The following LRRC8A variants were observed in gnomAD, a reference collection of about 807,000 sequenced individuals.
The protein encoded by LRRC8A is volume-regulated anion channel subunit LRRC8A.
LRRC8A carries 24 observed loss-of-function variants against 52.5 expected under a neutral mutation model. That is an observed-to-expected ratio of 0.46 (90% CI 0.33 to 0.64). The LOEUF is 0.64. LRRC8A is among the 30% of genes least tolerant of loss of function. The probability of loss-of-function intolerance (pLI) is 0.02; values close to 1 mark genes in which losing one functional copy is unlikely to be tolerated. For missense variants in LRRC8A, 677 were observed against 1,094.7 expected (o/e 0.62, Z 5.38); for synonymous variants, 492 against 494.2 (o/e 1.00, Z 0.06).
rs1280423057 is a variant in LRRC8A, at chr9:128,917,834, C to T, written c.*1463C>T. On this transcript the variant is annotated 3_prime_UTR_variant, in exon 4 of 4. Coordinates refer to ENST00000372600, the MANE Select transcript of LRRC8A (RefSeq NM_019594.4). The stretch of plus-strand genomic sequence containing the variant: ...CCCCGCCTTAGATCAATCACGTGGA[C>T]ACTAAGGCACGTTTTAGAGTCTCTT... 6.5e-6 allele frequency: 1 copy of T among 152,716 alleles called. No homozygotes were observed. Among genetic ancestry groups the T allele is most frequent in the Non-Finnish European group, 1.5e-5 (1 of 68,056 alleles). The allele number at this position is 152,716 out of a possible 1,614,324, so 9.5% of individuals were successfully genotyped here.
chr9:128,908,730 C>T lies in LRRC8A; in HGVS notation c.1566C>T (p.His522=). 6.2e-7 allele frequency: 1 copy of T among 1,613,194 alleles called. No individual in the cohort carries two copies. Among genetic ancestry groups the T allele is most frequent in the Non-Finnish European group, 8.5e-7 (1 of 1,180,042 alleles). The change falls in exon 3 of 4, where the codon CAC becomes CAT. Residue 522 remains histidine, a synonymous_variant. Transcript: ENST00000372600. ...GCCTGAAGACACTGGAGGAGCTGCACCTGACGGGCAACCTGAGCGCGGAGA... is the reference window on the plus strand; with the variant it reads ...GCCTGAAGACACTGGAGGAGCTGCATCTGACGGGCAACCTGAGCGCGGAGA... ...IYSLKTLEEL[H]LTGNLSAENN...
At chr9:128,912,714 T>C (rs2131050173) in intron 3 of LRRC8A, 1 of 152,148 alleles carries the variant, frequency 6.6e-6, no homozygotes, top group East Asian at 1.9e-4. Context: ...CTTGCGGTAG[T>C]GTGTGGGGTG....
At chr9:128,888,765 C>T (rs1839493229) in intron 2 of LRRC8A, among the ~76,000 whole-genome samples, 1 of 152,020 alleles carries the variant, frequency 6.6e-6, no homozygotes, top group African/African-American at 2.4e-5. Context: ...TTTTCAGGCT[C>T]ACTGTCCTGT....
intron 1 of LRRC8A, chr9:128,882,457 C>T: frequency 2.8e-6 from 1 of 361,508 alleles, no homozygotes; most frequent in Non-Finnish European, 4.9e-6. Context: ...TTCTCGCCGG[C>T]TCCGCGGCGC....
At chr9:128,897,484 A>C (rs1208274551) in intron 2 of LRRC8A, among the ~76,000 whole-genome samples, 1 of 152,132 alleles carries the variant, frequency 6.6e-6, no homozygotes, top group African/African-American at 2.4e-5. Flanking sequence ...CTGGGATTAC[A>C]GACGTGAGCC....
At chr9:128,891,585 C>G (rs551291192) in intron 2 of LRRC8A, among the ~76,000 whole-genome samples, 3 of 152,312 alleles carry the variant, frequency 2.0e-5, no homozygotes, top group South Asian at 4.1e-4. Context: ...GGCCTGCCTT[C>G]TAGGCCCTTC....
At chr9:128,903,412 C>A (rs921731100) in intron 2 of LRRC8A, among the ~76,000 whole-genome samples, 2 of 132,464 alleles carry the variant, frequency 1.5e-5, no homozygotes, top group Non-Finnish European at 3.3e-5. Context: ...AGGTGCTGTT[C>A]TTTTTTTTTT....
chr9:128,913,462 G>T (rs949144412), intron 3 of LRRC8A, among the ~76,000 whole-genome samples: 1 of 152,198 alleles, frequency 6.6e-6, no homozygotes, highest in Admixed American at 6.5e-5. Flanking sequence ...GGCACGGGCC[G>T]GCGACAATCC....
intron 2 of LRRC8A, among the ~76,000 whole-genome samples, chr9:128,905,736 C>A (rs1002360909): frequency 6.6e-6 from 1 of 151,826 alleles, no homozygotes; most frequent in Admixed American, 6.6e-5. Flanking sequence ...CCCAGCTACT[C>A]GGGAGGCTGA....
intron 3 of LRRC8A, among the ~76,000 whole-genome samples, chr9:128,914,279 A>G (rs558850376): frequency 2.0e-5 from 3 of 148,600 alleles, no homozygotes; most frequent in South Asian, 4.3e-4. Flanking sequence ...TGGGAAAGCC[A>G]CGTTGCTCCC....
rs1244837297 is a variant in LRRC8A at position 128,907,905 on chromosome 9, G to A, written c.741G>A (p.Val247=). 5 of 1,614,100 alleles carry A rather than the reference G, an allele frequency of 3.1e-6. No individual in the cohort carries two copies. The highest frequency in any genetic ancestry group is 4.2e-6 in the Non-Finnish European group (5 of 1,180,024). ...AAGCCAAGGCGCTGTTTGAGAAGGT[G>A]AAGAAGTTCCGGACCCATGTGGAGG... ...GEQAKALFEK[V]KKFRTHVEEG... Residue 247 remains valine (V), a synonymous_variant, in exon 3 of 4, where the codon GTG becomes GTA. Transcript: ENST00000372600. This position sits in a 1 kb window ranked among gnomAD's most constrained non-coding sequence, Gnocchi z 9.3.
rs911898161 is a variant in LRRC8A at position 128,911,869 on chromosome 9, C to T, written c.2157+2548C>T. ...ACTTGGGCCAACCCCAGGCAGGCCC[C>T]TCATTCTGAGTGGGAGGCCTGAGCC... is the stretch of plus-strand genomic sequence containing the variant. On this transcript the variant is annotated intron_variant, in intron 3 of 3. Coordinates refer to ENST00000372600, the MANE Select transcript of LRRC8A (RefSeq NM_019594.4). The surrounding 1 kb of genome is among the most constrained non-coding windows in gnomAD (Gnocchi z 4.9). Among the ~76,000 whole-genome samples the T allele has an allele frequency of 6.6e-6, 1 of 152,258 alleles. No individual in the cohort carries two copies. The highest frequency in any genetic ancestry group is 1.5e-5 in the Non-Finnish European group (1 of 68,044).
In LRRC8A at chr9:128,898,039, AGTGTGTGTGTGTGTGTGTGTGTGTGTGT is replaced by A. The variant is rs58876901; in HGVS notation, c.-8-9097_-8-9070del. 5.8e-4 allele frequency among the ~76,000 whole-genome samples: 79 copies of A among 136,490 alleles called. No individual in the cohort carries two copies. In the South Asian group the frequency reaches 6.2e-3, roughly 11 times the overall value. 89.5% of individuals were successfully genotyped at this position (136,490 alleles called of 152,430 possible). ...TCTAACCTCACTTCTAAGATTGTTC[AGTGTGTGTGTGTGTGTGTGTGTGTGTGT>A]GTGTGTGTGTGTGTGTGTGTAATTT... is the stretch of plus-strand genomic sequence containing the variant. On this transcript the variant is annotated intron_variant, in intron 2 of 3. Coordinates refer to ENST00000372600, the MANE Select transcript of LRRC8A (RefSeq NM_019594.4).
In LRRC8A at chr9:128,908,481, T is replaced by A. The variant is rs763221302; in HGVS notation, c.1317T>A (p.Pro439=). 1.4e-5 allele frequency: 22 copies of A among 1,613,044 alleles called. 2 individuals carry two copies. The East Asian group carries it at 4.9e-4, about 36-fold the overall frequency. ...ELHLFMLSGI[P]DTVFDLVELE... is the part of the protein sequence containing the mutation. ...ACCTGTTCATGCTCAGTGGCATCCC[T>A]GACACTGTGTTTGACCTGGTGGAGC... The change falls in exon 3 of 4, where the codon CCT becomes CCA. Residue 439 remains proline (P), a synonymous_variant. Coordinates refer to ENST00000372600, the MANE Select transcript of LRRC8A (RefSeq NM_019594.4).
chr9:128,884,560 G>T (rs1353557726), intron 1 of LRRC8A, among the ~76,000 whole-genome samples: 1 of 152,190 alleles, frequency 6.6e-6, no homozygotes, highest in Non-Finnish European at 1.5e-5. Flanking sequence ...CATATTAATA[G>T]AAATATTACA....
In LRRC8A at chr9:128,916,082, T is replaced by C; in HGVS notation, c.2158-14T>C. The C allele has an allele frequency of 1.3e-6, 2 of 1,590,650 alleles. No individual in the cohort carries two copies. Among genetic ancestry groups the C allele is most frequent in the Non-Finnish European group, 1.7e-6 (2 of 1,164,284 alleles). On this transcript the variant is annotated splice_polypyrimidine_tract_variant and intron_variant, in intron 3 of 3. Coordinates refer to ENST00000372600, the MANE Select transcript of LRRC8A (RefSeq NM_019594.4). This position sits in a 1 kb window ranked among gnomAD's most constrained non-coding sequence, Gnocchi z 6.1. ...ACACCCACCTCACTCTCACCCCTGC[T>C]TTTTTCCCTCCAGATCGAGACGCTC...
chr9:128,897,915 C>T (rs566388681), intron 2 of LRRC8A, among the ~76,000 whole-genome samples: 10 of 148,762 alleles, frequency 6.7e-5, no homozygotes, highest in African/African-American at 2.5e-4. Context: ...GGCAGTGGCT[C>T]GCGACATTGC....
At chr9:128,895,766 T>A (rs1476421501) in intron 2 of LRRC8A, among the ~76,000 whole-genome samples, 1 of 152,212 alleles carries the variant, frequency 6.6e-6, no homozygotes, top group Non-Finnish European at 1.5e-5. Flanking sequence ...GCTGCTCCGG[T>A]AACCTGGTAA....
chr9:128,907,709 A>AG lies in LRRC8A; in HGVS notation c.545_546insG (p.Asp182GlufsTer22). The stretch of plus-strand genomic sequence containing the variant: ...TCGGAGACAGTGGTGGAGGAGAGCG[A>AG]CCCCAAGCCGGCCTTCAGCAAGATG... On this transcript the variant is annotated frameshift_variant, in exon 3 of 4. Transcript: ENST00000372600. LOFTEE classifies it high-confidence loss of function. This position sits in a 1 kb window ranked among gnomAD's most constrained non-coding sequence, Gnocchi z 9.3. 6.2e-7 allele frequency: 1 copy of AG among 1,613,272 alleles called. No individual in the cohort carries two copies. Among genetic ancestry groups the AG allele is most frequent in the Non-Finnish European group, 8.5e-7 (1 of 1,179,756 alleles).
Sources: allele counts gnomAD v4.1 joint callset (sites outside exome capture counted in the v4.1 genomes callset), GRCh38; gene constraint gnomAD v4.1.1; non-coding constraint Gnocchi (gnomAD v3.1); transcripts MANE v1.5; gene names NCBI Gene and HGNC (gene_info 2026-07-23, HGNC 2026-07-21).